SH2D4B: variants seen among roughly 807,000 people sequenced by gnomAD.
The protein encoded by SH2D4B is SH2 domain containing 4B, also known as SH2 domain-containing protein 4B.
Under a neutral mutation model 61.5 loss-of-function variants are expected in SH2D4B, and 45 were observed. The observed-to-expected ratio is 0.73, with a 90% CI of 0.58 to 0.94. The LOEUF is 0.94. SH2D4B is among the 40% of genes least tolerant of loss of function. SH2D4B has a pLI of 0.00. For synonymous variants in SH2D4B, 224 were observed against 220.4 expected, an observed-to-expected ratio of 1.02 and a Z score of -0.14; for missense variants, 572 against 574.2, an observed-to-expected ratio of 1.00 and a Z score of 0.04.
intron 6 of SH2D4B, among the ~76,000 whole-genome samples, chr10:80,610,241 C>G (rs774349089): frequency 2.4e-4 from 36 of 152,288 alleles, no homozygotes; most frequent in Admixed American, 4.6e-4. Context: ...CCTACAGCAG[C>G]CTTCCCCAGT....
chr10:80,556,105 C>T (rs1192812649), intron 1 of SH2D4B, among the ~76,000 whole-genome samples: 3 of 151,388 alleles, frequency 2.0e-5, no homozygotes, highest in South Asian at 2.1e-4. Context: ...ACAATGTGGA[C>T]GTATATATGG....
intron 6 of SH2D4B, among the ~76,000 whole-genome samples, chr10:80,623,277 C>T (rs989151960): frequency 1.3e-5 from 2 of 152,140 alleles, no homozygotes; most frequent in Non-Finnish European, 2.9e-5. Context: ...GCTGGGAAGT[C>T]GAAGATCAAG....
intron 4 of SH2D4B, among the ~76,000 whole-genome samples, chr10:80,596,575 C>T (rs2343556): frequency 0.12 from 17,519 of 152,226 alleles, 1,193 homozygotes; most frequent in East Asian, 0.25. Context: ...TGTCTTTGGT[C>T]ATTGGCCTCA....
chr10:80,565,818 T>C lies in SH2D4B; in HGVS notation c.185-4336T>C, dbSNP rs1016404262. 2.1e-4 allele frequency among the ~76,000 whole-genome samples: 32 copies of C among 151,832 alleles called. No homozygotes were observed. In the South Asian group the frequency reaches 3.1e-3, roughly 15 times the overall value. On this transcript the variant is annotated intron_variant, in intron 1 of 7. Coordinates refer to ENST00000646907, the MANE Select transcript of SH2D4B (RefSeq NM_001388272.1). The stretch of plus-strand genomic sequence containing the variant: ...TAAAAGAGTGAAGAGTGGCCGGGCG[T>C]GGTGGCTCACGCCTGTAATCCCAGC...
chr10:80,588,811 A>G, intron 4 of SH2D4B, 34 bp downstream of exon 4: 1 of 1,611,126 alleles, frequency 6.2e-7, no homozygotes, highest in South Asian at 1.1e-5. Context: ...CAGGGAGACC[A>G]GTCCCGCCTC....
intron 4 of SH2D4B, among the ~76,000 whole-genome samples, chr10:80,599,011 C>T (rs17107270): frequency 0.12 from 17,693 of 152,192 alleles, 1,211 homozygotes; most frequent in East Asian, 0.25. Flanking sequence ...TGGCCTTTAA[C>T]CAACAATCTG....
At chr10:80,624,400 C>G (rs780297747) in intron 6 of SH2D4B, among the ~76,000 whole-genome samples, 1 of 152,220 alleles carries the variant, frequency 6.6e-6, no homozygotes, top group African/African-American at 2.4e-5. Context: ...CCTTCTCTTT[C>G]CTGTCTGGCA....
At chr10:80,609,063 G>T (rs1330963140) in intron 5 of SH2D4B, among the ~76,000 whole-genome samples, 1 of 152,122 alleles carries the variant, frequency 6.6e-6, no homozygotes, top group East Asian at 1.9e-4. Context: ...GGGAAAATGT[G>T]CCTTTTCTTT....
chr10:80,552,874 CCTCT>C (rs990845563), intron 1 of SH2D4B, among the ~76,000 whole-genome samples: 6 of 151,210 alleles, frequency 4.0e-5, no homozygotes. Flanking sequence ...TCTTTCTCCC[CCTCT>C]CTCTCTTTCT....
chr10:80,639,473 G>A (rs982890915), intron 7 of SH2D4B, among the ~76,000 whole-genome samples: 1 of 152,118 alleles, frequency 6.6e-6, no homozygotes, highest in Non-Finnish European at 1.5e-5. Context: ...TCCTGTATTG[G>A]GTGCATATAA....
chr10:80,550,766 CAGAG>C (rs1841749647), intron 1 of SH2D4B, among the ~76,000 whole-genome samples: 1 of 152,152 alleles, frequency 6.6e-6, no homozygotes, highest in Non-Finnish European at 1.5e-5. Flanking sequence ...AGTGGAATCT[CAGAG>C]AGGTTTAGCA....
At chr10:80,624,055 G>A (rs367933564) in intron 6 of SH2D4B, among the ~76,000 whole-genome samples, 3 of 152,264 alleles carry the variant, frequency 2.0e-5, no homozygotes, top group East Asian at 1.9e-4. Flanking sequence ...TCCCCCAGCC[G>A]TATATTAGGG....
intron 1 of SH2D4B, among the ~76,000 whole-genome samples, chr10:80,562,964 G>T (rs1481471094): frequency 2.0e-5 from 3 of 147,042 alleles, no homozygotes; most frequent in African/African-American, 7.5e-5. Flanking sequence ...TGCAGTGGCG[G>T]GATCTCGGCT....
chr10:80,583,344 G>A (rs191088690), intron 3 of SH2D4B, among the ~76,000 whole-genome samples: 29 of 152,200 alleles, frequency 1.9e-4, no homozygotes, highest in African/African-American at 6.5e-4. Flanking sequence ...AGATAAAGTC[G>A]ATGAAATCAA....
chr10:80,634,173 G>A, intron 6 of SH2D4B, 112 bp from the exon 7 acceptor site: 2 of 1,385,740 alleles, frequency 1.4e-6, no homozygotes, highest in South Asian at 3.1e-5. Flanking sequence ...TGGACTGTGT[G>A]GATGGCATGT....
chr10:80,576,321 A>G (rs755948706), intron 3 of SH2D4B, among the ~76,000 whole-genome samples: 8 of 152,210 alleles, frequency 5.3e-5, no homozygotes, highest in Non-Finnish European at 1.0e-4. Flanking sequence ...TATGATTATT[A>G]TATGTTTGTT....
rs898974990 is a variant in SH2D4B at position 80,539,109 on chromosome 10, TGCAGATGAGAA to T, written c.184+598_184+608del. 6.6e-6 allele frequency among the ~76,000 whole-genome samples: 1 copy of T among 152,214 alleles called. No individual in the cohort carries two copies. The highest frequency in any genetic ancestry group is 2.4e-5 in the African/African-American group (1 of 41,454). On this transcript the variant is annotated intron_variant, in intron 1 of 7. Coordinates refer to ENST00000646907, the MANE Select transcript of SH2D4B (RefSeq NM_001388272.1). The surrounding 1 kb of genome is among the most constrained non-coding windows in gnomAD (Gnocchi z 4.9). ...ACCATCCCCAAATGGTCGTAGCAAC[TGCAGATGAGAA>T]GCAAGGGCCTAGCCTACATTTCAGG...
At chr10:80,543,236 C>A (rs1841608087) in intron 1 of SH2D4B, among the ~76,000 whole-genome samples, 1 of 152,164 alleles carries the variant, frequency 6.6e-6, no homozygotes, top group South Asian at 2.1e-4. Context: ...AAGGCCGGAG[C>A]CGGCTCCCTC....
chr10:80,558,352 T>C (rs2132110656), intron 1 of SH2D4B, among the ~76,000 whole-genome samples: 1 of 152,326 alleles, frequency 6.6e-6, no homozygotes, highest in East Asian at 1.9e-4. Context: ...GTTAAGTTGG[T>C]TGATAAAGCT....
Sources: gnomAD v4.1 joint callset for allele counts (sites outside exome capture counted in the v4.1 genomes callset) on GRCh38, gnomAD v4.1.1 for gene constraint, Gnocchi (gnomAD v3.1) non-coding constraint, MANE v1.5 for transcripts, NCBI Gene and HGNC (gene_info 2026-07-23, HGNC 2026-07-21) for gene names.